The following SYNE2 variants were observed in gnomAD, a reference collection of about 807,000 sequenced individuals.
SYNE2 encodes the protein spectrin repeat containing nuclear envelope protein 2, also known as nesprin-2.
Under a neutral mutation model 856.3 loss-of-function variants are expected in SYNE2, and 431 were observed. That is an observed-to-expected ratio of 0.50 (90% CI 0.47 to 0.55). The LOEUF is 0.55. SYNE2 is among the 20% of genes least tolerant of loss of function. The pLI is 0.00. For synonymous variants in SYNE2, 2,923 were observed against 2,872.3 expected (o/e 1.02, Z -0.56); for missense variants, 8,129 against 8,023.2 (o/e 1.01, Z -0.50).
Position 64,053,164 on chromosome 14 carries a change from C to T in SYNE2, c.9251C>T (p.Ala3084Val), listed in dbSNP as rs779569518. The T allele has an allele frequency of 1.2e-6, 2 of 1,613,866 alleles. No individual in the cohort carries two copies. The highest frequency in any genetic ancestry group is 2.2e-5 in the East Asian group (1 of 44,886). Residue 3084 changes from alanine (A) to valine (V), a missense_variant, in exon 48 of 116, where the codon GCC becomes GTC. This residue lies in a region of SYNE2 where 5,410 missense variants were observed against 5,284.8 expected (regional missense o/e 1.02). Transcript: ENST00000555002. ...DSSPESRRLN[A>V]QILSQRIEKA... ...TCTCCGGAAAGCAGACGGCTCAATG[C>T]CCAAATTTTAAGTCAGAGAATTGAG...
rs377423642 is a variant in SYNE2, at chr14:64,007,058, C to A, written c.4413C>A (p.Ile1471=). The A allele has an allele frequency of 1.5e-4, 247 of 1,613,092 alleles. No individual in the cohort carries two copies. Among genetic ancestry groups the A allele is most frequent in the Admixed American group, 9.3e-4 (56 of 60,010 alleles). The change falls in exon 31 of 116, where the codon ATC becomes ATA. Residue 1471 remains isoleucine, a synonymous_variant. Coordinates refer to ENST00000555002, the MANE Select transcript of SYNE2 (RefSeq NM_182914.3). ...PAVKHRKKSL[I]RLDKVLDEYE... Reference sequence around the variant, plus strand: ...CATAATCAAGGAAAAAATCATTAATCAGACTGGATAAGGTTCTAGATGAAT... The same window carrying A: ...CATAATCAAGGAAAAAATCATTAATAAGACTGGATAAGGTTCTAGATGAAT...
chr14:63,961,886 CT>C (rs879550028), intron 9 of SYNE2, among the ~76,000 whole-genome samples: 354 of 141,212 alleles, frequency 2.5e-3, no homozygotes, highest in Non-Finnish European at 2.3e-3. Context: ...GTTGAATGTT[CT>C]TTTTTTTTTT....
intron 12 of SYNE2, 126 bp from the exon 13 acceptor site, chr14:63,977,779 G>A: frequency 1.4e-6 from 1 of 705,046 alleles, no homozygotes; most frequent in Non-Finnish European, 2.5e-6. Flanking sequence ...TAAAAAAAAG[G>A]TGGGTTGTGG....
intron 1 of SYNE2, among the ~76,000 whole-genome samples, chr14:63,785,842 A>G (rs1887502298): frequency 6.6e-6 from 1 of 151,938 alleles, no homozygotes; most frequent in African/African-American, 2.4e-5. Context: ...ATGGTGGCTC[A>G]CACCTGTAGG....
intron 51 of SYNE2, among the ~76,000 whole-genome samples, chr14:64,069,553 C>T (rs574968703): frequency 1.3e-5 from 2 of 152,272 alleles, no homozygotes; most frequent in South Asian, 2.1e-4. Context: ...AGGCCCCTCT[C>T]GACATTGGCA....
At chr14:63,947,629 A>T (rs2096057277) in intron 6 of SYNE2, among the ~76,000 whole-genome samples, 1 of 152,012 alleles carries the variant, frequency 6.6e-6, no homozygotes. Context: ...TGAGGTTGGG[A>T]GTTCGAGACC....
chr14:64,042,969 CCTAGA>C (rs2153564856), intron 45 of SYNE2, among the ~76,000 whole-genome samples: 1 of 152,248 alleles, frequency 6.6e-6, no homozygotes, highest in South Asian at 2.1e-4. Context: ...TTTGGAACTT[CCTAGA>C]GACTTGTTGA....
intron 1 of SYNE2, among the ~76,000 whole-genome samples, chr14:63,793,061 T>C (rs78117010): frequency 0.012 from 1,851 of 152,248 alleles, 28 homozygotes; most frequent in Non-Finnish European, 0.017. Flanking sequence ...CACAGAACAC[T>C]TCATTGTTGT....
intron 61 of SYNE2, among the ~76,000 whole-genome samples, chr14:64,096,540 G>T (rs1186772291): frequency 6.6e-6 from 1 of 152,188 alleles, no homozygotes; most frequent in East Asian, 1.9e-4. Context: ...TCAGGAGGCA[G>T]TGTACCTCTG....
At chr14:64,081,092 T>C (rs1196796798) in intron 56 of SYNE2, among the ~76,000 whole-genome samples, 1 of 152,176 alleles carries the variant, frequency 6.6e-6, no homozygotes, top group Non-Finnish European at 1.5e-5. Context: ...ATCCTAGTCT[T>C]AGAAGAACTG....
chr14:63,963,368 C>T (rs948625440), intron 9 of SYNE2, among the ~76,000 whole-genome samples: 2 of 152,184 alleles, frequency 1.3e-5, no homozygotes, highest in Non-Finnish European at 2.9e-5. Flanking sequence ...GATATAACTT[C>T]TTTGTCCTAT....
intron 1 of SYNE2, among the ~76,000 whole-genome samples, chr14:63,796,846 G>A (rs778655261): frequency 2.6e-5 from 4 of 152,062 alleles, no homozygotes; most frequent in Admixed American, 6.5e-5. Context: ...TTGGGAGGCC[G>A]AGGAAGGCAG....
intron 61 of SYNE2, among the ~76,000 whole-genome samples, chr14:64,096,887 G>A (rs2097682071): frequency 1.3e-5 from 2 of 152,194 alleles, no homozygotes; most frequent in South Asian, 4.1e-4. Flanking sequence ...AAGAAAGGAA[G>A]ACATAACAAG....
At chr14:63,892,177 A>G (rs748037062) in intron 1 of SYNE2, among the ~76,000 whole-genome samples, 1 of 151,992 alleles carries the variant, frequency 6.6e-6, no homozygotes, top group African/African-American at 2.4e-5. Flanking sequence ...AGAAACGTGT[A>G]AAAATGCTCG....
intron 87 of SYNE2, among the ~76,000 whole-genome samples, chr14:64,160,463 GGATA>G (rs1463106831): frequency 3.9e-5 from 6 of 152,214 alleles, no homozygotes; most frequent in Non-Finnish European, 7.3e-5. Flanking sequence ...TAAGTAGGTA[GGATA>G]GATAGATAAA....
At chr14:64,030,564 A>G (rs1162256488) in intron 44 of SYNE2, among the ~76,000 whole-genome samples, 1 of 152,212 alleles carries the variant, frequency 6.6e-6, no homozygotes, top group Admixed American at 6.5e-5. Flanking sequence ...TGCTATATTT[A>G]AGATAGTACA....
At chr14:64,153,385 A>G (rs1385460457) in intron 85 of SYNE2, among the ~76,000 whole-genome samples, 1 of 152,182 alleles carries the variant, frequency 6.6e-6, no homozygotes. Context: ...ATACCAATCA[A>G]TTGGTATAAT....
At chr14:64,048,686 C>T (rs2153477) in intron 46 of SYNE2, 136,928 of 153,014 alleles carry the variant, frequency 0.89, 61,500 homozygotes, top group Non-Finnish European at 0.94. Flanking sequence ...GGCGGGAGGA[C>T]TGCCTGAGTC....
chr14:63,895,699 CA>C (rs2095239711), intron 1 of SYNE2, among the ~76,000 whole-genome samples: 1 of 133,312 alleles, frequency 7.5e-6, no homozygotes, highest in Admixed American at 8.7e-5. Context: ...GTCCAGGAGG[CA>C]AAGGTGGCAG....
Sources: gnomAD v4.1 joint callset for allele counts (sites outside exome capture counted in the v4.1 genomes callset) on GRCh38, gnomAD v4.1.1 for gene constraint, gnomAD v4.1.1 regional missense constraint, MANE v1.5 for transcripts, NCBI Gene and HGNC (gene_info 2026-07-23, HGNC 2026-07-21) for gene names.